KLHL10: variants seen among roughly 807,000 people sequenced by gnomAD.
KLHL10 encodes the protein kelch like family member 10, also known as kelch-like protein 10.
In KLHL10, 11 loss-of-function variants were observed where a neutral mutation model predicts 46.6. That is an observed-to-expected ratio of 0.24 (90% CI 0.15 to 0.39). The LOEUF (loss-of-function observed/expected upper bound fraction) is 0.39. Among genes scored for constraint, KLHL10 ranks in the 10% least tolerant of loss-of-function variants. The pLI is 1.00. For synonymous variants in KLHL10, 254 were observed against 279.1 expected (o/e 0.91, Z 0.90); for missense variants, 475 against 789.8 (o/e 0.60, Z 4.78).
intron 3 of KLHL10, among the ~76,000 whole-genome samples, chr17:41,846,912 C>T (rs1421051779): frequency 2.6e-5 from 4 of 152,052 alleles, no homozygotes; most frequent in South Asian, 4.1e-4. Context: ...CTCAGGAGTT[C>T]GAGACCAGCC....
chr17:41,836,388 G>A, upstream of KLHL10: 1 of 1,224,452 alleles, frequency 8.2e-7, no homozygotes. Context: ...AGGCAAACTG[G>A]AGGAGGGTTC....
At chr17:41,839,022 C>T (rs533404870) in intron 1 of KLHL10, among the ~76,000 whole-genome samples, 123 of 152,014 alleles carry the variant, frequency 8.1e-4, no homozygotes, top group African/African-American at 2.8e-3. Context: ...GATGGAGTCT[C>T]GCTTTGTCCC....
Position 41,842,150 on chromosome 17 carries a change from C to T in KLHL10, c.522C>T (p.Val174=). ...ACAACTTTGAGGAGATGGTGAAAGT[C>T]TCGGCAGAATTTTTAGAGCTCTCGG... ...ILHNFEEMVK[V]SAEFLELSVT... Residue 174 remains valine (V), a synonymous_variant, in exon 2 of 5, where the codon GTC becomes GTT. Transcript: ENST00000293303. The T allele has an allele frequency of 6.2e-7, 1 of 1,614,114 alleles. No homozygotes were observed. The highest frequency in any genetic ancestry group is 1.1e-5 in the South Asian group (1 of 91,078).
chr17:41,840,721 A>G (rs2048217906), intron 1 of KLHL10, among the ~76,000 whole-genome samples: 2 of 152,148 alleles, frequency 1.3e-5, no homozygotes, highest in Non-Finnish European at 2.9e-5. Flanking sequence ...GCATGAAAAC[A>G]AGAGGTGGGC....
At chr17:41,837,630 C>G (rs1190823937), upstream of KLHL10, 3 of 1,134,154 alleles carry the variant, frequency 2.6e-6, no homozygotes, top group Non-Finnish European at 2.3e-6. Context: ...TCAGATGGTG[C>G]TAGTGGTCAT....
intron 3 of KLHL10, 180 bp downstream of exon 3, chr17:41,845,923 A>G: frequency 1.1e-6 from 1 of 870,056 alleles, no homozygotes; most frequent in Admixed American, 2.3e-5. Flanking sequence ...ATTGAAAAGT[A>G]ATGCAAAGCC....
chr17:41,848,208 C>G lies in KLHL10; in HGVS notation c.1728C>G (p.Ala576=). The G allele has an allele frequency of 6.2e-7, 1 of 1,613,988 alleles. No individual in the cohort carries two copies. The highest frequency in any genetic ancestry group is 8.5e-7 in the Non-Finnish European group (1 of 1,180,006). ...ALSCCVVPGL[A]NVEEYAARRD... is the part of the protein sequence containing the mutation. ...GCTGCTGTGTAGTACCAGGGCTGGC[C>G]AATGTTGAGGAATATGCAGCTAGAC... Residue 576 remains alanine, a synonymous_variant, in exon 5 of 5, where the codon GCC becomes GCG. Transcript: ENST00000293303.
intron 2 of KLHL10, 89 bp from the exon 3 acceptor site, chr17:41,845,037 C>G (rs1356933407): frequency 1.3e-6 from 2 of 1,517,798 alleles, no homozygotes; most frequent in African/African-American, 2.7e-5. Context: ...TCCAGCAATT[C>G]AAAGGCAGAT....
In KLHL10 at chr17:41,842,135, G is replaced by A. The variant is rs2048233084; in HGVS notation, c.507G>A (p.Glu169=). 1 of 1,614,192 alleles carries A rather than the reference G, an allele frequency of 6.2e-7. No homozygotes were observed. The highest frequency in any genetic ancestry group is 8.5e-7 in the Non-Finnish European group (1 of 1,180,050). The change falls in exon 2 of 5, where the codon GAG becomes GAA. Residue 169 remains glutamate (E), a synonymous_variant. Transcript: ENST00000293303. ...ACATGTTCATACTGCACAACTTTGA[G>A]GAGATGGTGAAAGTCTCGGCAGAAT... ...KAYMFILHNF[E]EMVKVSAEFL...
rs2048273548 is a variant in KLHL10, at chr17:41,845,355, C to T, written c.914C>T (p.Thr305Ile). 1 of 1,614,004 alleles carries T rather than the reference C, an allele frequency of 6.2e-7. No homozygotes were observed. The highest frequency in any genetic ancestry group is 1.7e-5 in the Admixed American group (1 of 60,006). ...GGTGGCTGGAGTGGTGGGAGCCCCA[C>T]CAATGCCATTGAGGCATATGACGCT... ...AIGGWSGGSP[T>I]NAIEAYDARA... Residue 305 changes from threonine (T) to isoleucine (I), a missense_variant, in exon 3 of 5, where the codon ACC (threonine) becomes ATC (isoleucine). By Grantham distance (89) the Thr-to-Ile change is moderately conservative (BLOSUM62 -1). Transcript: ENST00000293303.
At chr17:41,836,258 G>A (rs2048157968), upstream of KLHL10, 2 of 1,227,914 alleles carry the variant, frequency 1.6e-6, no homozygotes, top group Non-Finnish European at 2.0e-6. Context: ...CTGCGCAGGC[G>A]TCGCCTCCCG....
At chr17:41,839,368 C>T (rs561871748) in intron 1 of KLHL10, among the ~76,000 whole-genome samples, 75 of 152,290 alleles carry the variant, frequency 4.9e-4, no homozygotes, top group Non-Finnish European at 9.3e-4. Context: ...CTCACCCAAA[C>T]CAACCTTTGG....
At chr17:41,847,839 G>C in intron 4 of KLHL10, 94 bp from the exon 5 acceptor site, 2 of 1,502,362 alleles carry the variant, frequency 1.3e-6, no homozygotes, top group Non-Finnish European at 9.3e-7. Flanking sequence ...AATGGAAGAG[G>C]GAGTTATGAG....
chr17:41,841,013 A>G (rs4796717), intron 1 of KLHL10, among the ~76,000 whole-genome samples: 115,107 of 151,726 alleles, frequency 0.76, 43,924 homozygotes, highest in Admixed American at 0.85. Context: ...GGTGGCACAC[A>G]CCTATAATCC....
chr17:41,847,502 T>TA, intron 4 of KLHL10, 92 bp downstream of exon 4: 1 of 1,517,682 alleles, frequency 6.6e-7, no homozygotes, highest in Non-Finnish European at 9.1e-7. Flanking sequence ...TGGTAAGTAT[T>TA]TGAAAAGCTT....
At chr17:41,844,217 G>A (rs2048257061) in intron 2 of KLHL10, among the ~76,000 whole-genome samples, 1 of 149,382 alleles carries the variant, frequency 6.7e-6, no homozygotes, top group East Asian at 2.0e-4. Flanking sequence ...GCGGCACCAT[G>A]CCTGGCTAAT....
At chr17:41,844,280 G>A (rs2048258422) in intron 2 of KLHL10, among the ~76,000 whole-genome samples, 1 of 151,586 alleles carries the variant, frequency 6.6e-6, no homozygotes, top group South Asian at 2.1e-4. Flanking sequence ...GCCCAGGCTG[G>A]AGTGTGGTAG....
In KLHL10 at chr17:41,848,373, G is replaced by C; in HGVS notation, c.*66G>C. On this transcript the variant is annotated 3_prime_UTR_variant, in exon 5 of 5. Transcript: ENST00000293303. Reference sequence around the variant, plus strand: ...TTAATTCTTTTTTTAAAAAAATGCAGTGTTTAAACTTTGAAGAGTACTGGA... The same window carrying C: ...TTAATTCTTTTTTTAAAAAAATGCACTGTTTAAACTTTGAAGAGTACTGGA... 4 of 1,539,160 alleles carry C rather than the reference G, an allele frequency of 2.6e-6. No individual in the cohort carries two copies. Among genetic ancestry groups the C allele is most frequent in the Non-Finnish European group, 3.5e-6 (4 of 1,136,032 alleles).
chr17:41,838,169 T>G (rs2048187873), intron 1 of KLHL10, 43 bp downstream of exon 1: 2 of 1,483,612 alleles, frequency 1.3e-6, no homozygotes, highest in Non-Finnish European at 1.9e-6. Context: ...GTAATTGGGC[T>G]CATTTTGAGA....
Sources: allele counts gnomAD v4.1 joint callset (sites outside exome capture counted in the v4.1 genomes callset), GRCh38; gene constraint gnomAD v4.1.1; transcripts MANE v1.5; gene names NCBI Gene and HGNC (gene_info 2026-07-23, HGNC 2026-07-21).